Variants in TEX9 observed in about 807,000 individuals in gnomAD.
TEX9 encodes testis-expressed protein 9.
Under a neutral mutation model 59.6 loss-of-function variants are expected in TEX9, and 74 were observed. That is an observed-to-expected ratio of 1.24 (90% CI 1.03 to 1.51). The LOEUF (loss-of-function observed/expected upper bound fraction) is 1.51, where lower values mean the gene tolerates loss of function less well. TEX9 is among the 40% of genes most tolerant of loss of function. The pLI is 0.00. For synonymous variants in TEX9, 186 were observed against 152.2 expected (o/e 1.22, Z -1.64); for missense variants, 522 against 447.8 (o/e 1.17, Z -1.49).
At chr15:56,427,646 A>T in exon 11 of TEX9, 3 of 1,551,772 alleles carry the variant, frequency 1.9e-6, no homozygotes, top group Non-Finnish European at 1.7e-6. Context: ...AAGTGTTAAA[A>T]TCAGAAAACA....
chr15:56,412,241 A>G, intron 9 of TEX9, 61 bp from the exon 10 acceptor site: 2 of 1,498,472 alleles, frequency 1.3e-6, no homozygotes, highest in South Asian at 2.5e-5. Flanking sequence ...ATACTGCAAA[A>G]TGATAAAGGG....
At chr15:56,288,663 G>T (rs1349420342) in intron 1 of TEX9, among the ~76,000 whole-genome samples, 1 of 151,824 alleles carries the variant, frequency 6.6e-6, no homozygotes, top group African/African-American at 2.4e-5. Context: ...CTGCTTTCAG[G>T]ATCTTTTCTT....
At chr15:56,338,657 C>G (rs1346616049) in intron 1 of TEX9, among the ~76,000 whole-genome samples, 4 of 152,216 alleles carry the variant, frequency 2.6e-5, no homozygotes, top group African/African-American at 9.6e-5. Flanking sequence ...TAGCTCATGC[C>G]TGTAATCCCA....
intron 1 of TEX9, among the ~76,000 whole-genome samples, chr15:56,357,517 G>T (rs1368407878): frequency 6.6e-6 from 1 of 152,036 alleles, no homozygotes; most frequent in South Asian, 2.1e-4. Flanking sequence ...AACTTTTGTA[G>T]TATTGCTTCT....
At chr15:56,376,030 G>A (rs1018534144) in intron 3 of TEX9, among the ~76,000 whole-genome samples, 12 of 145,492 alleles carry the variant, frequency 8.2e-5, no homozygotes, top group African/African-American at 2.8e-4. Context: ...ATGAGAACAC[G>A]TGGACACAGG....
intron 6 of TEX9, among the ~76,000 whole-genome samples, chr15:56,389,900 A>G (rs1201482327): frequency 6.6e-6 from 1 of 151,972 alleles, no homozygotes; most frequent in Non-Finnish European, 1.5e-5. Flanking sequence ...TTATAAGCAT[A>G]AAAAGGGACC....
intron 1 of TEX9, among the ~76,000 whole-genome samples, chr15:56,279,575 T>A (rs2044764648): frequency 6.6e-6 from 1 of 152,196 alleles, no homozygotes; most frequent in Admixed American, 6.5e-5. Context: ...TTACCTTTAC[T>A]TCCATAGAGA....
At chr15:56,338,432 A>G (rs2046301001) in intron 1 of TEX9, among the ~76,000 whole-genome samples, 2 of 152,206 alleles carry the variant, frequency 1.3e-5, no homozygotes, top group African/African-American at 4.8e-5. Context: ...ATATGATAGG[A>G]CTAGTGAATC....
At chr15:56,426,626 T>TATACACACACAC (rs1214988827) in intron 10 of TEX9, among the ~76,000 whole-genome samples, 2 of 47,200 alleles carry the variant, frequency 4.2e-5, no homozygotes, top group African/African-American at 1.1e-4. Flanking sequence ...TATATATATA[T>TATACACACACAC]ACACACACAC....
rs768813444 is a variant in TEX9, at chr15:56,427,625, C to CA, written c.991dup (p.Ile331AsnfsTer2). 1.9e-5 allele frequency: 29 copies of CA among 1,529,050 alleles called. No individual in the cohort carries two copies. Among genetic ancestry groups the CA allele is most frequent in the East Asian group, 4.8e-5 (2 of 41,394 alleles). The allele number at this position is 1,529,050 out of a possible 1,614,324, so 94.7% of individuals were successfully genotyped here. A position where few individuals can be genotyped will look rare whatever the true frequency, so the allele number is the denominator to read the frequency against. On this transcript the variant is annotated frameshift_variant, in exon 11 of 13. Transcript: ENST00000352903. LOFTEE classifies it high-confidence loss of function. ...TGTAGGACATAGCAAATGAAGAACA[C>CA]AAAAAAATTGAAGTGTTAAAATCAG...
At chr15:56,394,340 T>G (rs1410081652) in intron 8 of TEX9, 93 bp downstream of exon 8, 3 of 1,099,702 alleles carry the variant, frequency 2.7e-6, no homozygotes, top group African/African-American at 3.2e-5. Context: ...TATTTAGATA[T>G]AAATCATAGT....
At chr15:56,283,089 C>A (rs961739701) in intron 1 of TEX9, among the ~76,000 whole-genome samples, 1 of 143,000 alleles carries the variant, frequency 7.0e-6, no homozygotes, top group African/African-American at 2.7e-5. Context: ...TGTACATATA[C>A]ACATACATAA....
the TEX9 span, among the ~76,000 whole-genome samples, chr15:56,451,986 A>G: frequency 6.6e-6 from 1 of 152,192 alleles, no homozygotes; most frequent in Non-Finnish European, 1.5e-5. Context: ...CTGATACAAC[A>G]TTTCATCAAT....
At chr15:56,442,384 C>T (rs1393202645) in intron 12 of TEX9, among the ~76,000 whole-genome samples, 3 of 152,100 alleles carry the variant, frequency 2.0e-5, no homozygotes, top group Admixed American at 6.5e-5. Flanking sequence ...AATGGGATTG[C>T]TGGGTATATA....
At chr15:56,286,244 G>A (rs1442460338) in intron 1 of TEX9, among the ~76,000 whole-genome samples, 1 of 152,082 alleles carries the variant, frequency 6.6e-6, no homozygotes, top group African/African-American at 2.4e-5. Flanking sequence ...AAACTTAAAG[G>A]GGAAGTTAAA....
chr15:56,384,079 G>C, intron 4 of TEX9, 48 bp downstream of exon 4: 1 of 1,410,768 alleles, frequency 7.1e-7, no homozygotes, highest in South Asian at 1.3e-5. Flanking sequence ...GGATGTACAT[G>C]GATCGTTATG....
chr15:56,442,985 T>C (rs1289381906), intron 12 of TEX9, among the ~76,000 whole-genome samples: 1 of 152,190 alleles, frequency 6.6e-6, no homozygotes, highest in Non-Finnish European at 1.5e-5. Context: ...TTTTGCTTCA[T>C]GTATTGTGAA....
intron 1 of TEX9, among the ~76,000 whole-genome samples, chr15:56,313,449 A>G (rs1375277877): frequency 6.8e-6 from 1 of 146,112 alleles, no homozygotes; most frequent in Non-Finnish European, 1.5e-5. Flanking sequence ...GCTGGATTAC[A>G]TTTATTGATT....
the TEX9 span, among the ~76,000 whole-genome samples, chr15:56,454,240 T>A: frequency 1.3e-5 from 2 of 152,198 alleles, no homozygotes; most frequent in Non-Finnish European, 2.9e-5. Context: ...CAGTATATAT[T>A]TGTATATATT....
Sources: gnomAD v4.1 joint callset for allele counts (sites outside exome capture counted in the v4.1 genomes callset) on GRCh38, gnomAD v4.1.1 for gene constraint, MANE v1.5 for transcripts, NCBI Gene and HGNC (gene_info 2026-07-23, HGNC 2026-07-21) for gene names.